Variants in WWC2 observed in about 807,000 individuals in gnomAD.
WWC2 encodes the protein WW and C2 domain containing 2.
A neutral mutation model predicts 138.5 loss-of-function variants in WWC2; 101 were observed. The ratio of observed to expected loss-of-function variants is 0.73; its 90% confidence interval spans 0.62 to 0.86. WWC2 has a LOEUF of 0.86. Ranked by LOEUF, WWC2 falls within the 40% of genes least tolerant of loss-of-function variation. The pLI is 0.00. For missense variants in WWC2, 1,420 were observed against 1,419.4 expected (o/e 1.00, Z -0.01); for synonymous variants, 558 against 538.4 (o/e 1.04, Z -0.50).
At chr4:183,171,763 G>C (rs763748818) in intron 1 of WWC2, among the ~76,000 whole-genome samples, 3 of 152,084 alleles carry the variant, frequency 2.0e-5, no homozygotes, top group African/African-American at 7.2e-5. Context: ...AGTTTCTTTT[G>C]GTATTTGCCG....
intron 1 of WWC2, among the ~76,000 whole-genome samples, chr4:183,113,941 G>A (rs1732331695): frequency 6.6e-6 from 1 of 152,022 alleles, no homozygotes; most frequent in African/African-American, 2.4e-5. Flanking sequence ...GAGGCTTGAG[G>A]AAAAGAGAGA....
At chr4:183,151,285 G>A (rs1280555599) in intron 1 of WWC2, among the ~76,000 whole-genome samples, 3 of 152,130 alleles carry the variant, frequency 2.0e-5, no homozygotes, top group African/African-American at 7.2e-5. Context: ...TTCTCTGATG[G>A]CCAGTGATGA....
chr4:183,157,038 A>T (rs1173611773), intron 1 of WWC2, among the ~76,000 whole-genome samples: 1 of 152,050 alleles, frequency 6.6e-6, no homozygotes, highest in Non-Finnish European at 1.5e-5. Context: ...CACTATAATG[A>T]TCTATATATT....
intron 1 of WWC2, among the ~76,000 whole-genome samples, chr4:183,180,347 C>T (rs2111182579): frequency 6.6e-6 from 1 of 152,248 alleles, no homozygotes; most frequent in East Asian, 1.9e-4. Context: ...CTCATGATTT[C>T]CTTGTATTCA....
At chr4:183,217,120 A>G (rs1735781500) in intron 4 of WWC2, among the ~76,000 whole-genome samples, 1 of 152,232 alleles carries the variant, frequency 6.6e-6, no homozygotes, top group Non-Finnish European at 1.5e-5. Context: ...TTGATTTAAA[A>G]TAATTTATTT....
chr4:183,193,522 G>A, intron 1 of WWC2, 77 bp from the exon 2 acceptor site: 1 of 1,242,886 alleles, frequency 8.0e-7, no homozygotes, highest in Non-Finnish European at 1.2e-6. Flanking sequence ...CTAGACACTT[G>A]TGGTTAGGGT....
At chr4:183,240,972 GCCTATCCAAACCGTGACAGGCACA>G (rs1166403966) in intron 5 of WWC2, among the ~76,000 whole-genome samples, 1 of 152,170 alleles carries the variant, frequency 6.6e-6, no homozygotes, top group Non-Finnish European at 1.5e-5. Flanking sequence ...CTGAGGCCCA[GCCTATCCAAACCGTGACAGGCACA>G]CCTGAGACTT....
At chr4:183,212,602 T>C (rs1373632869) in intron 4 of WWC2, among the ~76,000 whole-genome samples, 1 of 152,236 alleles carries the variant, frequency 6.6e-6, no homozygotes, top group East Asian at 1.9e-4. Flanking sequence ...TCATAGTTCT[T>C]ATCCTTGCAA....
chr4:183,282,600 C>A, intron 17 of WWC2, 108 bp from the exon 18 acceptor site: 1 of 1,133,150 alleles, frequency 8.8e-7, no homozygotes, highest in Non-Finnish European at 1.3e-6. Flanking sequence ...TGGCTTGGCT[C>A]ATTGTGTGAG....
At chr4:183,138,158 G>C (rs1463724761) in intron 1 of WWC2, among the ~76,000 whole-genome samples, 1 of 152,124 alleles carries the variant, frequency 6.6e-6, no homozygotes. Flanking sequence ...AAGTTGTATT[G>C]ATTTTATGAA....
intron 1 of WWC2, among the ~76,000 whole-genome samples, chr4:183,191,258 A>G (rs1405665059): frequency 6.6e-6 from 1 of 152,186 alleles, no homozygotes; most frequent in Non-Finnish European, 1.5e-5. Context: ...TTTGAGCACA[A>G]TTCTAAGAAT....
intron 11 of WWC2, among the ~76,000 whole-genome samples, chr4:183,262,454 T>A (rs1737358226): frequency 6.6e-6 from 1 of 152,244 alleles, no homozygotes; most frequent in African/African-American, 2.4e-5. Flanking sequence ...TTTGTATGTA[T>A]GGTCCTAAGA....
At chr4:183,215,627 G>C (rs1172971884) in intron 4 of WWC2, among the ~76,000 whole-genome samples, 1 of 152,086 alleles carries the variant, frequency 6.6e-6, no homozygotes, top group Non-Finnish European at 1.5e-5. Context: ...CACATTTATT[G>C]ATTTTATAAT....
chr4:183,154,418 A>G (rs539134630), intron 1 of WWC2, among the ~76,000 whole-genome samples: 7 of 152,260 alleles, frequency 4.6e-5, no homozygotes, highest in African/African-American at 1.7e-4. Context: ...GTTATGTGCC[A>G]TTTCTGAAGG....
chr4:183,281,543 T>C (rs1416637726), intron 17 of WWC2, among the ~76,000 whole-genome samples: 1 of 152,160 alleles, frequency 6.6e-6, no homozygotes, highest in East Asian at 1.9e-4. Flanking sequence ...TAATTTTTAA[T>C]ATATAGTTGT....
At chr4:183,120,828 C>T (rs1409372611) in intron 1 of WWC2, among the ~76,000 whole-genome samples, 1 of 152,202 alleles carries the variant, frequency 6.6e-6, no homozygotes, top group East Asian at 1.9e-4. Context: ...GCCATCATGG[C>T]TGACTGACCT....
At chr4:183,122,720 T>C (rs1012010811) in intron 1 of WWC2, among the ~76,000 whole-genome samples, 11 of 152,038 alleles carry the variant, frequency 7.2e-5, no homozygotes, top group South Asian at 2.1e-4. Context: ...GGTTTTGCCA[T>C]GTTGGTCAGG....
At chr4:183,106,070 C>T (rs952255722) in intron 1 of WWC2, among the ~76,000 whole-genome samples, 59 of 151,736 alleles carry the variant, frequency 3.9e-4, no homozygotes, top group African/African-American at 1.4e-3. Context: ...GCCTCCGCCT[C>T]CTGGGTTCAA....
chr4:183,140,405 G>C (rs939650424), intron 1 of WWC2, among the ~76,000 whole-genome samples: 3 of 152,158 alleles, frequency 2.0e-5, no homozygotes, highest in African/African-American at 7.2e-5. Context: ...TAGATGTGGG[G>C]CCTGGGAATC....
Sources: allele counts gnomAD v4.1 joint callset (sites outside exome capture counted in the v4.1 genomes callset), GRCh38; gene constraint gnomAD v4.1.1; transcripts MANE v1.5; gene names NCBI Gene and HGNC (gene_info 2026-07-23, HGNC 2026-07-21).